MLIP: variants seen among roughly 807,000 people sequenced by gnomAD.
MLIP encodes the protein muscular LMNA interacting protein.
MLIP carries 79 observed loss-of-function variants against 84.8 expected under a neutral mutation model. That is an observed-to-expected ratio of 0.93 (90% CI 0.78 to 1.12). MLIP has a LOEUF of 1.12. MLIP is among the 50% of genes most tolerant of loss of function. MLIP has a pLI of 0.00. For synonymous variants in MLIP, 504 were observed against 463.0 expected, an observed-to-expected ratio of 1.09 and a Z score of -1.14; for missense variants, 1,257 against 1,160.6, an observed-to-expected ratio of 1.08 and a Z score of -1.21.
At chr6:54,160,865 C>A in intron 8 of MLIP, 66 bp downstream of exon 8, 2 of 1,329,826 alleles carry the variant, frequency 1.5e-6, no homozygotes, top group Middle Eastern at 2.4e-4. Flanking sequence ...TTCCAAACTG[C>A]AAGTCAAGGT....
At chr6:54,257,250 C>T in intron 12 of MLIP, 58 bp from the exon 13 acceptor site, 1 of 1,213,888 alleles carries the variant, frequency 8.2e-7, no homozygotes, top group Non-Finnish European at 1.2e-6. Flanking sequence ...GAAATTTTAA[C>T]ATTTATTTTT....
chr6:54,081,520 G>A (rs1767149959), intron 1 of MLIP, among the ~76,000 whole-genome samples: 1 of 152,150 alleles, frequency 6.6e-6, no homozygotes, highest in African/African-American at 2.4e-5. Flanking sequence ...CGATTCTCCT[G>A]CCTCAGCCTC....
intron 12 of MLIP, among the ~76,000 whole-genome samples, chr6:54,234,299 A>G (rs1781215210): frequency 6.6e-6 from 1 of 152,078 alleles, no homozygotes; most frequent in Non-Finnish European, 1.5e-5. Flanking sequence ...TAATAATAGT[A>G]CCTACCTTAT....
chr6:54,211,569 G>A (rs973607418), intron 11 of MLIP, among the ~76,000 whole-genome samples: 2 of 152,218 alleles, frequency 1.3e-5, no homozygotes, highest in Non-Finnish European at 1.5e-5. Flanking sequence ...TTCTGGCTGT[G>A]ACATTGTGGT....
At chr6:54,162,443 A>C (rs1394351399) in intron 8 of MLIP, among the ~76,000 whole-genome samples, 1 of 152,030 alleles carries the variant, frequency 6.6e-6, no homozygotes. Context: ...TTGCCATGGC[A>C]TGAAGCTTGG....
intron 7 of MLIP, 57 bp downstream of exon 7, chr6:54,160,656 T>G: frequency 5.9e-6 from 9 of 1,525,438 alleles, no homozygotes; most frequent in Non-Finnish European, 8.2e-6. Flanking sequence ...CTCTTCATTT[T>G]CCTCTACTTT....
chr6:54,064,573 G>T (rs1766153623), intron 1 of MLIP, among the ~76,000 whole-genome samples: 1 of 99,690 alleles, frequency 1.0e-5, no homozygotes, highest in African/African-American at 2.6e-5. Flanking sequence ...TATTCTTAAA[G>T]GAAATTTATG....
chr6:54,217,544 A>G (rs142982837), intron 11 of MLIP: 4 of 984,894 alleles, frequency 4.1e-6, no homozygotes, highest in Non-Finnish European at 4.8e-6. Context: ...TCTTTAATGA[A>G]CAAAGATATT....
At chr6:54,035,881 G>C (rs1561881610) in intron 1 of MLIP, among the ~76,000 whole-genome samples, 1 of 151,910 alleles carries the variant, frequency 6.6e-6, no homozygotes, top group Non-Finnish European at 1.5e-5. Flanking sequence ...TTCTTTGTTG[G>C]ATATGTGGTT....
rs572115617 is a variant in MLIP at position 54,059,749 on chromosome 6, C to T, written c.63+40658C>T. On this transcript the variant is annotated intron_variant, in intron 1 of 12. Coordinates refer to the MLIP transcript ENST00000274897. ...AAAGGTTAGAATTTTTTTTAAATAG[C>T]GTTTGGTTATTTAGCTAATGGATAT... 7.6e-5 allele frequency among the ~76,000 whole-genome samples: 11 copies of T among 144,156 alleles called. No individual in the cohort carries two copies. In the South Asian group the frequency reaches 8.9e-4, roughly 12 times the overall value. 94.6% of individuals were successfully genotyped at this position (144,156 alleles called of 152,430 possible).
At position 54,265,998 on chromosome 6, in the gene MLIP, G is replaced by T. The variant is rs1420980147; in HGVS notation, c.*43G>T. 6.2e-7 allele frequency: 1 copy of T among 1,606,476 alleles called. No individual in the cohort carries two copies. Among genetic ancestry groups the T allele is most frequent in the Middle Eastern group, 1.8e-4 (1 of 5,658 alleles). On this transcript the variant is annotated 3_prime_UTR_variant, in exon 14 of 14. Transcript: ENST00000502396. ...AAAACACAGGCTGCTGAAGTTTTTT[G>T]GAATGCTGGTGCTAACCACTTGCTA...
At chr6:54,026,097 T>C (rs929663967) in intron 1 of MLIP, among the ~76,000 whole-genome samples, 2 of 152,178 alleles carry the variant, frequency 1.3e-5, no homozygotes, top group Admixed American at 1.3e-4. Context: ...GGAACCAGGA[T>C]TCTCTGAGTT....
chr6:54,112,078 CTAA>C lies in MLIP; in HGVS notation c.96+504_96+506del, dbSNP rs547897663. Among the ~76,000 whole-genome samples the C allele has an allele frequency of 7.2e-5, 11 of 152,258 alleles. No individual in the cohort carries two copies. The South Asian group carries it at 2.3e-3, about 32-fold the overall frequency. Reference sequence around the variant, plus strand: ...ATCCTTTTATCTCATATTTCTATGACTAAATTAGTTTCCCAAGGATAGAAACTA... The same window carrying C: ...ATCCTTTTATCTCATATTTCTATGACATTAGTTTCCCAAGGATAGAAACTA... On this transcript the variant is annotated intron_variant, in intron 1 of 13. Coordinates refer to ENST00000502396, the MANE Select transcript of MLIP (RefSeq NM_001281747.2).
intron 1 of MLIP, among the ~76,000 whole-genome samples, chr6:54,089,908 A>G (rs36057920): frequency 0.058 from 8,783 of 152,108 alleles, 273 homozygotes; most frequent in South Asian, 0.091. Context: ...CTCTGAATTG[A>G]GCTTTCTTAT....
intron 12 of MLIP, among the ~76,000 whole-genome samples, chr6:54,254,384 C>T (rs904195276): frequency 2.0e-5 from 3 of 151,988 alleles, no homozygotes. Context: ...CTAGGCCTCC[C>T]AAAGTGCTGG....
chr6:54,257,374 T>C lies in MLIP; in HGVS notation c.2976+13T>C, dbSNP rs1225803372. 1 of 1,571,770 alleles carries C rather than the reference T, an allele frequency of 6.4e-7. No individual in the cohort carries two copies. Among genetic ancestry groups the C allele is most frequent in the Admixed American group, 1.7e-5 (1 of 59,172 alleles). ...TGATTCCAAAGAGGTAAATGTAAGA[T>C]AGGACTGGATATCTAATTATCCATT... On this transcript the variant is annotated intron_variant, in intron 13 of 13. Coordinates refer to ENST00000502396, the MANE Select transcript of MLIP (RefSeq NM_001281747.2).
chr6:54,140,039 C>T (rs1170038356), intron 4 of MLIP, among the ~76,000 whole-genome samples: 2 of 151,948 alleles, frequency 1.3e-5, no homozygotes, highest in South Asian at 2.1e-4. Flanking sequence ...GGTAAATTGA[C>T]CTGTTTATTA....
intron 1 of MLIP, among the ~76,000 whole-genome samples, chr6:54,087,450 A>C (rs979496729): frequency 1.3e-5 from 2 of 152,190 alleles, no homozygotes; most frequent in African/African-American, 4.8e-5. Flanking sequence ...AAGAAAAAGA[A>C]ATGTTATTTG....
intron 12 of MLIP, among the ~76,000 whole-genome samples, chr6:54,247,687 G>A (rs1782180538): frequency 6.6e-6 from 1 of 152,132 alleles, no homozygotes; most frequent in Non-Finnish European, 1.5e-5. Flanking sequence ...GGGTCTGGCA[G>A]GCACCATATA....
Sources: gnomAD v4.1 joint callset for allele counts (sites outside exome capture counted in the v4.1 genomes callset) on GRCh38, gnomAD v4.1.1 for gene constraint, MANE v1.5 for transcripts, NCBI Gene and HGNC (gene_info 2026-07-23, HGNC 2026-07-21) for gene names.